Variants in PRKRIP1 observed in about 807,000 individuals in gnomAD.
PRKRIP1 encodes PRKR-interacting protein 1.
In PRKRIP1, 29 loss-of-function variants were observed where a neutral mutation model predicts 29.3. That is an observed-to-expected ratio of 0.99 (90% CI 0.74 to 1.35). The LOEUF (loss-of-function observed/expected upper bound fraction) is 1.35, where lower values mean the gene tolerates loss of function less well. Ranked by LOEUF, PRKRIP1 falls within the 40% of genes most tolerant of loss-of-function variation. PRKRIP1 has a pLI of 0.00. For missense variants in PRKRIP1, 247 were observed against 236.8 expected, an observed-to-expected ratio of 1.04 and a Z score of -0.28; for synonymous variants, 90 against 85.1, an observed-to-expected ratio of 1.06 and a Z score of -0.32.
At chr7:102,424,043 T>G (rs111559731) in intron 5 of PRKRIP1, among the ~76,000 whole-genome samples, 76 of 152,384 alleles carry the variant, frequency 5.0e-4, no homozygotes, top group African/African-American at 1.8e-3. Flanking sequence ...TTAATGAAAC[T>G]AAATCTTCCA....
intron 5 of PRKRIP1, 148 bp downstream of exon 5, chr7:102,407,646 A>G: frequency 4.7e-6 from 3 of 635,960 alleles, no homozygotes; most frequent in Non-Finnish European, 8.5e-6. Flanking sequence ...GCTAGGACCC[A>G]TTGAATTGCA....
chr7:102,396,643 C>A, intron 1 of PRKRIP1, 106 bp downstream of exon 1: 1 of 1,258,840 alleles, frequency 7.9e-7, no homozygotes, highest in Non-Finnish European at 1.1e-6. Context: ...AACTCAGAAA[C>A]TCAGTATCCG....
intron 1 of PRKRIP1, 34 bp from the exon 2 acceptor site, chr7:102,397,586 T>A (rs782370610): frequency 5.1e-6 from 8 of 1,570,332 alleles, no homozygotes; most frequent in Non-Finnish European, 7.0e-6. Flanking sequence ...TCAACAGGTT[T>A]ATACTTAAAT....
chr7:102,407,001 G>A (rs1419504448), intron 4 of PRKRIP1, among the ~76,000 whole-genome samples: 3 of 152,098 alleles, frequency 2.0e-5, no homozygotes, highest in African/African-American at 7.2e-5. Context: ...GGATCACGAG[G>A]TAGGAGATCG....
intron 5 of PRKRIP1, among the ~76,000 whole-genome samples, chr7:102,423,599 G>T (rs1049917478): frequency 6.6e-5 from 10 of 152,046 alleles, no homozygotes; most frequent in Non-Finnish European, 1.3e-4. Context: ...ATAGACTATT[G>T]TAAGAATTAA....
chr7:102,399,736 C>T (rs1174710259), intron 3 of PRKRIP1, 88 bp downstream of exon 3: 14 of 1,064,954 alleles, frequency 1.3e-5, no homozygotes, highest in Non-Finnish European at 1.7e-5. Context: ...AGAGGCTGGG[C>T]GTGGTGGCTC....
At chr7:102,420,835 C>A (rs1472508102) in intron 5 of PRKRIP1, among the ~76,000 whole-genome samples, 1 of 152,210 alleles carries the variant, frequency 6.6e-6, no homozygotes, top group Non-Finnish European at 1.5e-5. Flanking sequence ...AGTCGAAACG[C>A]AGATACACAA....
chr7:102,401,498 C>T (rs1261906410), intron 3 of PRKRIP1, among the ~76,000 whole-genome samples: 2 of 152,120 alleles, frequency 1.3e-5, no homozygotes, highest in Non-Finnish European at 2.9e-5. Flanking sequence ...CTTTAGGAGG[C>T]CAAGGTGGGT....
chr7:102,416,479 G>A (rs549026682), intron 5 of PRKRIP1, among the ~76,000 whole-genome samples: 1 of 152,074 alleles, frequency 6.6e-6, no homozygotes, highest in Non-Finnish European at 1.5e-5. Flanking sequence ...CGCATTCTTC[G>A]GCTCCTGTTG....
intron 5 of PRKRIP1, among the ~76,000 whole-genome samples, chr7:102,412,904 T>G (rs183339070): frequency 6.6e-6 from 1 of 152,306 alleles, no homozygotes; most frequent in East Asian, 1.9e-4. Context: ...CAGCATAGGA[T>G]GACATTAAGC....
intron 5 of PRKRIP1, among the ~76,000 whole-genome samples, chr7:102,411,921 TTTG>T (rs201711123): frequency 0.063 from 8,486 of 135,520 alleles, 756 homozygotes; most frequent in African/African-American, 0.22. Flanking sequence ...GTTGGGCATC[TTTG>T]TTGTTGTTGT....
At chr7:102,398,395 C>T (rs1795975176) in intron 2 of PRKRIP1, among the ~76,000 whole-genome samples, 1 of 152,080 alleles carries the variant, frequency 6.6e-6, no homozygotes, top group Non-Finnish European at 1.5e-5. Context: ...AGCGATTCTC[C>T]TGCCTTAGCC....
chr7:102,417,230 T>C (rs1431933500), intron 5 of PRKRIP1, among the ~76,000 whole-genome samples: 2 of 152,112 alleles, frequency 1.3e-5, no homozygotes, highest in African/African-American at 4.8e-5. Flanking sequence ...ATGTTTACCT[T>C]GATCACATGG....
At chr7:102,418,574 C>T (rs1368060318) in intron 5 of PRKRIP1, among the ~76,000 whole-genome samples, 1 of 152,142 alleles carries the variant, frequency 6.6e-6, no homozygotes, top group Non-Finnish European at 1.5e-5. Flanking sequence ...ACTGATGTCT[C>T]CAAGTCTAGC....
At position 102,425,002 on chromosome 7, in the gene PRKRIP1, G is replaced by A. The variant is rs149734660; in HGVS notation, c.458-12G>A. 3.0e-5 allele frequency: 48 copies of A among 1,607,690 alleles called. No homozygotes were observed. Among genetic ancestry groups the A allele is most frequent in the East Asian group, 4.5e-5 (2 of 44,728 alleles). On this transcript the variant is annotated splice_polypyrimidine_tract_variant and intron_variant, in intron 5 of 5. Coordinates refer to ENST00000397912, the MANE Select transcript of PRKRIP1 (RefSeq NM_024653.4). ...TTTGCATGTCTGTAATTTGAATGTCGTGTGGTTACAGGACCCGGTCAGCCC... is the reference window on the plus strand; with the variant it reads ...TTTGCATGTCTGTAATTTGAATGTCATGTGGTTACAGGACCCGGTCAGCCC...
At chr7:102,421,275 G>A (rs1796684990) in intron 5 of PRKRIP1, among the ~76,000 whole-genome samples, 1 of 152,224 alleles carries the variant, frequency 6.6e-6, no homozygotes, top group Non-Finnish European at 1.5e-5. Flanking sequence ...TGGGCACGGT[G>A]GCTCATGCCT....
intron 5 of PRKRIP1, among the ~76,000 whole-genome samples, chr7:102,419,846 TG>T (rs1554573548): frequency 0.12 from 248 of 2,044 alleles, no homozygotes; most frequent in East Asian, 0.48. Flanking sequence ...TTTGTGTTTT[TG>T]TGTGTGTGTG....
chr7:102,413,253 G>A (rs546721094), intron 5 of PRKRIP1, among the ~76,000 whole-genome samples: 3 of 152,290 alleles, frequency 2.0e-5, no homozygotes, highest in South Asian at 2.1e-4. Flanking sequence ...GGAGGAGGAC[G>A]GAATTGTTCC....
In PRKRIP1 at chr7:102,425,140, C is replaced by T. The variant is rs1279432408; in HGVS notation, c.*29C>T. The T allele has an allele frequency of 6.2e-7, 1 of 1,600,064 alleles. No homozygotes were observed. Among genetic ancestry groups the T allele is most frequent in the Non-Finnish European group, 8.5e-7 (1 of 1,176,240 alleles). On this transcript the variant is annotated 3_prime_UTR_variant, in exon 6 of 6. Coordinates refer to ENST00000397912, the MANE Select transcript of PRKRIP1 (RefSeq NM_024653.4). ...TGTTTGCCACAGCCTCTGCCTGGAACCTGGCTCGTGCTGTGACCAGAAGGG... is the reference window on the plus strand; with the variant it reads ...TGTTTGCCACAGCCTCTGCCTGGAATCTGGCTCGTGCTGTGACCAGAAGGG...
Sources: allele counts gnomAD v4.1 joint callset (sites outside exome capture counted in the v4.1 genomes callset), GRCh38; gene constraint gnomAD v4.1.1; transcripts MANE v1.5; gene names NCBI Gene and HGNC (gene_info 2026-07-23, HGNC 2026-07-21).